The following SCARB2 variants were observed in gnomAD, a reference collection of about 807,000 sequenced individuals.
SCARB2 encodes scavenger receptor class B member 2, also known as lysosome membrane protein 2.
A neutral mutation model predicts 58.6 loss-of-function variants in SCARB2; 29 were observed. The ratio of observed to expected loss-of-function variants is 0.49; its 90% CI spans 0.37 to 0.67. The LOEUF (loss-of-function observed/expected upper bound fraction) is 0.67. Ranked by LOEUF, SCARB2 falls within the 30% of genes least tolerant of loss-of-function variation. SCARB2 has a pLI of 0.00. For missense variants in SCARB2, 488 were observed against 578.5 expected, an observed-to-expected ratio of 0.84 and a Z score of 1.60; for synonymous variants, 195 against 210.1, an observed-to-expected ratio of 0.93 and a Z score of 0.62.
chr4:76,213,339 C>T lies in SCARB2; in HGVS notation c.117+88G>A, dbSNP rs1055992755. ...CTAGCGCGGAGGGTCTGCCTGAGTG[C>T]TGGTCTTTCCCATACAAGATGTAGC... On this transcript the variant is annotated intron_variant, in intron 1 of 11. Transcript: ENST00000264896. The T allele has an allele frequency of 1.6e-5, 15 of 914,654 alleles. No individual in the cohort carries two copies. The African/African-American group carries it at 2.5e-4, about 15-fold the overall frequency. The allele number at this position is 914,654 out of a possible 1,614,324, so 56.7% of individuals were successfully genotyped here.
chr4:76,163,148 GC>G, intron 11 of SCARB2, 76 bp downstream of exon 11: 2 of 1,564,444 alleles, frequency 1.3e-6, no homozygotes, highest in Non-Finnish European at 1.8e-6. Flanking sequence ...CCAGCTGACA[GC>G]CCTTCAGTGA....
rs534188423 is a variant in SCARB2 at position 76,167,677 on chromosome 4, C to G, written c.1187+726G>C. ...CTTTCCTTTCCCTCCCTCCCTCCCC[C>G]CCCCCGCTTTTTTTTTTTTTCCTGA... is the stretch of plus-strand genomic sequence containing the variant. On this transcript the variant is annotated intron_variant, in intron 9 of 11. Transcript: ENST00000264896. Among the ~76,000 whole-genome samples the G allele has an allele frequency of 1.3e-4, 16 of 122,396 alleles. 1 individual carries two copies. Among genetic ancestry groups the G allele is most frequent in the Admixed American group, 3.1e-4 (4 of 12,780 alleles). The allele number at this position is 122,396 out of a possible 152,430, so 80.3% of individuals were successfully genotyped here. A position where few individuals can be genotyped will look rare whatever the true frequency, so the allele number is the denominator to read the frequency against.
chr4:76,162,983 A>G, intron 11 of SCARB2: 1 of 608,508 alleles, frequency 1.6e-6, no homozygotes, highest in South Asian at 2.0e-5. Context: ...CCCAGGGGAT[A>G]CATCCAAAGA....
intron 2 of SCARB2, among the ~76,000 whole-genome samples, chr4:76,189,170 T>C (rs1245250790): frequency 1.3e-5 from 2 of 152,216 alleles, no homozygotes; most frequent in Non-Finnish European, 2.9e-5. Context: ...AAGGACTTGG[T>C]CACTGCACCC....
upstream of SCARB2, among the ~76,000 whole-genome samples, chr4:76,215,771 T>C (rs983199344): frequency 6.6e-6 from 1 of 151,912 alleles, no homozygotes; most frequent in Non-Finnish European, 1.5e-5. Context: ...AAGCCCTGAG[T>C]CTGTAGGAAG....
At chr4:76,171,449 C>T (rs1732127545) in intron 7 of SCARB2, among the ~76,000 whole-genome samples, 1 of 152,124 alleles carries the variant, frequency 6.6e-6, no homozygotes, top group South Asian at 2.1e-4. Context: ...CTGCCTGACT[C>T]CAGAACACTC....
chr4:76,206,247 G>A (rs959041802), intron 1 of SCARB2, among the ~76,000 whole-genome samples: 10 of 152,108 alleles, frequency 6.6e-5, no homozygotes, highest in Non-Finnish European at 1.5e-4. Flanking sequence ...ATAAATTTCT[G>A]TTGTTTATAA....
intron 9 of SCARB2, chr4:76,166,547 ACTAG>A (rs1490206519): frequency 1.7e-6 from 1 of 577,046 alleles, no homozygotes; most frequent in Non-Finnish European, 3.1e-6. Context: ...TAAAATGATG[ACTAG>A]TCTCCTTAGA....
chr4:76,170,033 A>C, intron 7 of SCARB2, 48 bp from the exon 8 acceptor site: 1 of 1,502,414 alleles, frequency 6.7e-7, no homozygotes. Context: ...TTTAAAATCT[A>C]AGCTGAGCTG....
chr4:76,169,311 G>A (rs954287683), intron 8 of SCARB2, among the ~76,000 whole-genome samples: 1 of 126,458 alleles, frequency 7.9e-6, no homozygotes, highest in Admixed American at 8.0e-5. Context: ...GAGTAAATGT[G>A]TATTATACAC....
At chr4:76,178,604 G>A (rs1475503461) in intron 4 of SCARB2, among the ~76,000 whole-genome samples, 1 of 152,152 alleles carries the variant, frequency 6.6e-6, no homozygotes, top group Non-Finnish European at 1.5e-5. Context: ...GGCTTGACAG[G>A]AAATCTGTGC....
chr4:76,185,832 T>C (rs1238452108), intron 2 of SCARB2, among the ~76,000 whole-genome samples: 3 of 152,220 alleles, frequency 2.0e-5, no homozygotes, highest in South Asian at 2.1e-4. Context: ...ATCTGGCTGG[T>C]AGGGTTAACA....
intron 2 of SCARB2, among the ~76,000 whole-genome samples, chr4:76,187,567 T>C (rs1224846692): frequency 6.6e-6 from 1 of 152,178 alleles, no homozygotes; most frequent in African/African-American, 2.4e-5. Flanking sequence ...AAATATAACA[T>C]TGAAAAATCC....
chr4:76,187,630 G>T (rs925682980), intron 2 of SCARB2, among the ~76,000 whole-genome samples: 1 of 152,092 alleles, frequency 6.6e-6, no homozygotes, highest in Non-Finnish European at 1.5e-5. Context: ...ATATGTACAT[G>T]CATATGTACA....
intron 2 of SCARB2, among the ~76,000 whole-genome samples, chr4:76,188,102 T>A (rs1455798679): frequency 6.6e-6 from 1 of 152,204 alleles, no homozygotes; most frequent in Non-Finnish European, 1.5e-5. Flanking sequence ...GGAAGTGCCC[T>A]TAGACAAATT....
chr4:76,222,769 T>C (rs963641202), intron 1 of SCARB2, among the ~76,000 whole-genome samples: 2 of 152,178 alleles, frequency 1.3e-5, no homozygotes, highest in Non-Finnish European at 2.9e-5. Context: ...TCTAAGGACT[T>C]CACATCTATT....
rs1172686193 is a variant in SCARB2, at chr4:76,163,338, T to C, written c.1285A>G (p.Ile429Val). 1 of 1,614,186 alleles carries C rather than the reference T, an allele frequency of 6.2e-7. No homozygotes were observed. Among genetic ancestry groups the C allele is most frequent in the Non-Finnish European group, 8.5e-7 (1 of 1,180,024 alleles). Residue 429 changes from isoleucine to valine, a missense_variant, in exon 11 of 12, where the codon ATT becomes GTT. By Grantham distance (29) the Ile-to-Val change is conservative. Coordinates refer to ENST00000264896, the MANE Select transcript of SCARB2 (RefSeq NM_005506.4). ...TTGGTGATGATCAAAGTAGTGTTAA[T>C]CATAGACTTCAGTCGACTCGCCGTC... ...KETASRLKSM[I>V]NTTLIITNIP...
rs1377023858 is a variant in SCARB2 at position 76,213,477 on chromosome 4, G to A, written c.67C>T (p.Leu23=). 2 of 1,610,978 alleles carry A rather than the reference G, an allele frequency of 1.2e-6. No individual in the cohort carries two copies. Among genetic ancestry groups the A allele is most frequent in the Non-Finnish European group, 1.7e-6 (2 of 1,178,718 alleles). Residue 23 remains leucine, a synonymous_variant, in exon 1 of 12, where the codon CTG becomes TTG. Coordinates refer to ENST00000264896, the MANE Select transcript of SCARB2 (RefSeq NM_005506.4). The stretch of plus-strand genomic sequence containing the variant: ...TTCTGGAAGACCCGGGCCACCAGCA[G>A]CGTGACGCTGGTCACCAGCAGGAGC... ...SLLLLVTSVT[L]LVARVFQKAV...
At position 76,161,654 on chromosome 4, in the gene SCARB2, C is replaced by T; in HGVS notation, c.*59G>A. The T allele has an allele frequency of 6.3e-7, 1 of 1,582,834 alleles. No homozygotes were observed. Among genetic ancestry groups the T allele is most frequent in the Non-Finnish European group, 8.7e-7 (1 of 1,151,548 alleles). The stretch of plus-strand genomic sequence containing the variant: ...CCTGCAAGGAGGTGGAGGGTTTCCC[C>T]ACGTCATCGTCCAGGTCAGGACAGC... On this transcript the variant is annotated 3_prime_UTR_variant, in exon 12 of 12. Transcript: ENST00000264896.
Sources: allele counts gnomAD v4.1 joint callset (sites outside exome capture counted in the v4.1 genomes callset), GRCh38; gene constraint gnomAD v4.1.1; transcripts MANE v1.5; gene names NCBI Gene and HGNC (gene_info 2026-07-23, HGNC 2026-07-21).